SNX29: variants seen among roughly 807,000 people sequenced by gnomAD.
SNX29 encodes the protein sorting nexin-29.
SNX29 carries 78 observed loss-of-function variants against 102.1 expected under a neutral mutation model. That is an observed-to-expected ratio of 0.76 (90% CI 0.64 to 0.92). The LOEUF is 0.92. Ranked by LOEUF, SNX29 falls within the 40% of genes least tolerant of loss-of-function variation. The probability of loss-of-function intolerance (pLI) is 0.00; values close to 1 mark genes in which losing one functional copy is unlikely to be tolerated. For synonymous variants in SNX29, 580 were observed against 414.5 expected (o/e 1.40, Z -4.85); for missense variants, 1,280 against 1,061.7 (o/e 1.21, Z -2.86).
At chr16:12,154,949 A>G (rs1284125653) in intron 13 of SNX29, among the ~76,000 whole-genome samples, 3 of 152,202 alleles carry the variant, frequency 2.0e-5, no homozygotes, top group East Asian at 1.9e-4. Flanking sequence ...ATTTCAGCAT[A>G]TGAATTTGGC....
rs1165691257 is a variant in SNX29 at position 12,489,764 on chromosome 16, C to A, written c.2178+11905C>A. Among the ~76,000 whole-genome samples the A allele has an allele frequency of 4.6e-5, 7 of 152,294 alleles. No homozygotes were observed. In the South Asian group the frequency reaches 6.2e-4, roughly 14 times the overall value. Reference sequence around the variant, plus strand: ...CTTTTCCTTTCTTTCATTCTCTCTTCTTCCTCCCCCGTTCACTTCTCTACT... The same window carrying A: ...CTTTTCCTTTCTTTCATTCTCTCTTATTCCTCCCCCGTTCACTTCTCTACT... On this transcript the variant is annotated intron_variant, in intron 19 of 20. Coordinates refer to ENST00000566228, the MANE Select transcript of SNX29 (RefSeq NM_032167.5).
intron 20 of SNX29, among the ~76,000 whole-genome samples, chr16:12,530,506 C>G (rs1017502758): frequency 2.6e-5 from 4 of 151,800 alleles, no homozygotes; most frequent in African/African-American, 4.8e-5. Flanking sequence ...TTATGTAAGT[C>G]AAATAGAAAC....
chr16:12,566,200 C>T (rs1056182039), intron 20 of SNX29, among the ~76,000 whole-genome samples: 2 of 152,206 alleles, frequency 1.3e-5, no homozygotes, highest in Admixed American at 1.3e-4. Flanking sequence ...CTTACCACCA[C>T]AGTACTAGGA....
intron 14 of SNX29, among the ~76,000 whole-genome samples, chr16:12,249,011 G>C (rs1007652811): frequency 2.0e-5 from 3 of 152,126 alleles, no homozygotes; most frequent in Admixed American, 2.0e-4. Flanking sequence ...TTCTGTCTCT[G>C]ATAGTAAGGA....
chr16:11,990,629 G>A (rs1173978093), intron 1 of SNX29, among the ~76,000 whole-genome samples: 5 of 152,072 alleles, frequency 3.3e-5, no homozygotes, highest in South Asian at 2.1e-4. Context: ...GGCTGGTAGC[G>A]CCGGGCATCC....
Position 12,571,579 on chromosome 16 carries a change from G to A in SNX29, c.*2950G>A, listed in dbSNP as rs376197795. The A allele has an allele frequency of 1.7e-5, 18 of 1,040,926 alleles. No individual in the cohort carries two copies. In the South Asian group the frequency reaches 6.1e-4, roughly 35 times the overall value. The allele number at this position is 1,040,926 out of a possible 1,614,324, so 64.5% of individuals were successfully genotyped here. On this transcript the variant is annotated 3_prime_UTR_variant, in exon 21 of 21. Coordinates refer to ENST00000566228, the MANE Select transcript of SNX29 (RefSeq NM_032167.5). Reference sequence around the variant, plus strand: ...CACACCGAATCCTTCTGTCTTCATGGCCTGCTGTGCTGAAACAGAACAGCA... The same window carrying A: ...CACACCGAATCCTTCTGTCTTCATGACCTGCTGTGCTGAAACAGAACAGCA...
At chr16:12,338,227 A>G (rs2081509354) in intron 15 of SNX29, among the ~76,000 whole-genome samples, 2 of 152,186 alleles carry the variant, frequency 1.3e-5, no homozygotes, top group South Asian at 4.1e-4. Flanking sequence ...TTTCTTTGAA[A>G]AGGAAAATGT....
chr16:12,569,340 C>T lies in SNX29; in HGVS notation c.*711C>T, dbSNP rs377660053. ...CAGTGCCCTCCATAGCCTGAGGCCA[C>T]CTAGGCCCTCGCCAGGCTTGGAGTG... On this transcript the variant is annotated 3_prime_UTR_variant, in exon 21 of 21. Coordinates refer to ENST00000566228, the MANE Select transcript of SNX29 (RefSeq NM_032167.5). 1 of 230,172 alleles carries T rather than the reference C, an allele frequency of 4.3e-6. No individual in the cohort carries two copies. The highest frequency in any genetic ancestry group is 8.6e-6 in the Non-Finnish European group (1 of 116,152). The allele number at this position is 230,172 out of a possible 1,614,324, so 14.3% of individuals were successfully genotyped here.
intron 13 of SNX29, among the ~76,000 whole-genome samples, chr16:12,192,042 A>G (rs1489002439): frequency 6.6e-6 from 1 of 152,154 alleles, no homozygotes; most frequent in African/African-American, 2.4e-5. Flanking sequence ...AGAATTACCA[A>G]ATGTACTTAC....
At chr16:12,122,973 C>T (rs1209366376) in intron 11 of SNX29, among the ~76,000 whole-genome samples, 1 of 151,970 alleles carries the variant, frequency 6.6e-6, no homozygotes, top group African/African-American at 2.4e-5. Context: ...ATTAGAGGCG[C>T]CTGCCACCAC....
At chr16:12,137,531 A>G (rs1197094867) in intron 13 of SNX29, among the ~76,000 whole-genome samples, 2 of 152,200 alleles carry the variant, frequency 1.3e-5, no homozygotes, top group Admixed American at 1.3e-4. Flanking sequence ...ACTGTACTGT[A>G]CATCCTGGAA....
At chr16:12,479,065 G>C (rs1263375582) in intron 19 of SNX29, among the ~76,000 whole-genome samples, 2 of 152,222 alleles carry the variant, frequency 1.3e-5, no homozygotes. Context: ...TGTGACCCCA[G>C]CTAGCAGCAG....
chr16:12,283,290 T>C (rs1225349658), intron 15 of SNX29, among the ~76,000 whole-genome samples: 1 of 151,978 alleles, frequency 6.6e-6, no homozygotes, highest in Non-Finnish European at 1.5e-5. Flanking sequence ...TGAAATGGCA[T>C]TGACTACCCT....
At chr16:12,273,556 A>AC (rs1362312649) in intron 14 of SNX29, among the ~76,000 whole-genome samples, 1 of 151,958 alleles carries the variant, frequency 6.6e-6, no homozygotes, top group African/African-American at 2.4e-5. Flanking sequence ...ACAGGGTTTC[A>AC]CCATGTTGGC....
chr16:12,118,313 C>CTTTTTTT (rs869186902), intron 11 of SNX29, among the ~76,000 whole-genome samples: 1,115 of 86,092 alleles, frequency 0.013, 123 homozygotes, highest in African/African-American at 0.019. Context: ...TACAGACCAC[C>CTTTTTTT]TTTTTTTTTT....
intron 19 of SNX29, among the ~76,000 whole-genome samples, chr16:12,487,604 C>A (rs2151852007): frequency 6.6e-6 from 1 of 152,294 alleles, no homozygotes; most frequent in African/African-American, 2.4e-5. Flanking sequence ...ATGCCCAAAT[C>A]TAGGAGCTGG....
chr16:12,530,902 TA>T (rs1002617784), intron 20 of SNX29, among the ~76,000 whole-genome samples: 1 of 152,178 alleles, frequency 6.6e-6, no homozygotes, highest in African/African-American at 2.4e-5. Context: ...TGAAAGGTAA[TA>T]GTATCCACCG....
rs908399815 is a variant in SNX29 at position 12,572,462 on chromosome 16, C to G, written c.*3833C>G. The G allele has an allele frequency of 3.5e-5, 37 of 1,063,280 alleles. No homozygotes were observed. The East Asian group carries it at 4.5e-4, about 13-fold the overall frequency. 65.9% of individuals were successfully genotyped at this position (1,063,280 alleles called of 1,614,324 possible). On this transcript the variant is annotated 3_prime_UTR_variant, in exon 21 of 21. Transcript: ENST00000566228. ...TCTTGGTTCTGCATGGTACATTTTG[C>G]CAACCCTGAGGACCAGTTCTTGGGG... is the stretch of plus-strand genomic sequence containing the variant.
intron 19 of SNX29, among the ~76,000 whole-genome samples, chr16:12,489,641 C>G (rs897653481): frequency 1.3e-5 from 2 of 152,186 alleles, no homozygotes; most frequent in Admixed American, 6.5e-5. Context: ...GTCCTTAGCC[C>G]TCAAACGCCA....
Sources: allele counts gnomAD v4.1 joint callset (sites outside exome capture counted in the v4.1 genomes callset), GRCh38; gene constraint gnomAD v4.1.1; transcripts MANE v1.5; gene names NCBI Gene and HGNC (gene_info 2026-07-23, HGNC 2026-07-21).